CAST: variants seen among roughly 807,000 people sequenced by gnomAD.
CAST encodes the protein MIR583 host.
In CAST, 76 loss-of-function variants were observed where a neutral mutation model predicts 119.6. That is an observed-to-expected ratio of 0.64 (90% confidence interval 0.53 to 0.77). The LOEUF is 0.77. CAST is among the 30% of genes least tolerant of loss of function. The pLI is 0.00. For synonymous variants in CAST, 319 were observed against 331.6 expected, an observed-to-expected ratio of 0.96 and a Z score of 0.41; for missense variants, 953 against 946.5, an observed-to-expected ratio of 1.01 and a Z score of -0.09.
At chr5:96,380,389 A>G in the CAST span, among the ~76,000 whole-genome samples, 240 of 152,366 alleles carry the variant, frequency 1.6e-3, no homozygotes, top group African/African-American at 5.4e-3. Flanking sequence ...TGAAGTTTAT[A>G]TAAAGCACTT....
chr5:96,082,306 G>T, the CAST span, among the ~76,000 whole-genome samples: 1 of 152,190 alleles, frequency 6.6e-6, no homozygotes. Flanking sequence ...GACATTTATT[G>T]GTTGGCTATT....
the CAST span, chr5:96,429,232 C>T: frequency 6.4e-7 from 1 of 1,558,528 alleles, no homozygotes; most frequent in Non-Finnish European, 8.9e-7. Flanking sequence ...ATCAGATAAT[C>T]TCTTAGTGAT....
the CAST span, among the ~76,000 whole-genome samples, chr5:96,411,572 A>T: frequency 6.6e-6 from 1 of 152,184 alleles, no homozygotes; most frequent in Non-Finnish European, 1.5e-5. Context: ...GAGCAATCCA[A>T]CCAAGGCACA....
the CAST span, among the ~76,000 whole-genome samples, chr5:96,073,900 AC>A: frequency 6.6e-6 from 1 of 152,092 alleles, no homozygotes; most frequent in African/African-American, 2.4e-5. Flanking sequence ...ATTTTTAGCC[AC>A]CTTGTATTCA....
the CAST span, among the ~76,000 whole-genome samples, chr5:96,308,533 C>T: frequency 1.3e-5 from 2 of 151,998 alleles, no homozygotes; most frequent in East Asian, 2.0e-4. Context: ...GGAGAGGAGG[C>T]GTTCTGGTTT....
intron 1 of CAST, among the ~76,000 whole-genome samples, chr5:96,542,486 G>A (rs1259481189): frequency 6.6e-6 from 1 of 152,080 alleles, no homozygotes; most frequent in African/African-American, 2.4e-5. Flanking sequence ...TAATGGGTGT[G>A]TAGTGGTATC....
At chr5:96,528,974 T>TA (rs1710988713), upstream of CAST, among the ~76,000 whole-genome samples, 1 of 152,252 alleles carries the variant, frequency 6.6e-6, no homozygotes. Context: ...ACAATTGACA[T>TA]AAACCTGGTG....
chr5:96,586,286 T>C (rs2150190452), intron 1 of CAST, among the ~76,000 whole-genome samples: 1 of 152,322 alleles, frequency 6.6e-6, no homozygotes, highest in East Asian at 1.9e-4. Context: ...AGAAATATGT[T>C]TTTGTATTTG....
the CAST span, among the ~76,000 whole-genome samples, chr5:96,098,106 G>T: frequency 6.6e-6 from 1 of 152,064 alleles, no homozygotes; most frequent in Non-Finnish European, 1.5e-5. Flanking sequence ...TCATGTAATT[G>T]TTGGGCACAT....
the CAST span, among the ~76,000 whole-genome samples, chr5:96,095,952 C>T: frequency 6.6e-6 from 1 of 152,166 alleles, no homozygotes; most frequent in Non-Finnish European, 1.5e-5. Flanking sequence ...CCATATTCCT[C>T]TTTGTTTTGG....
chr5:96,252,902 G>A, the CAST span, among the ~76,000 whole-genome samples: 2 of 152,128 alleles, frequency 1.3e-5, no homozygotes, highest in African/African-American at 2.4e-5. Flanking sequence ...AGAATGACTG[G>A]AGTCTGACAG....
At chr5:95,961,554 C>G in the CAST span, 11 of 1,562,414 alleles carry the variant, frequency 7.0e-6, no homozygotes, top group Middle Eastern at 5.3e-4. Context: ...CTGAGCCCAG[C>G]CTGCCGGCCG....
At chr5:96,352,229 A>G in the CAST span, among the ~76,000 whole-genome samples, 11 of 152,318 alleles carry the variant, frequency 7.2e-5, no homozygotes, top group African/African-American at 2.6e-4. Context: ...TGTTCTTCAA[A>G]GTGAAATGTG....
the CAST span, among the ~76,000 whole-genome samples, chr5:96,100,865 CTA>C: frequency 1.3e-5 from 2 of 151,842 alleles, no homozygotes; most frequent in African/African-American, 2.4e-5. Context: ...AATTGTTATA[CTA>C]TATATATTAT....
At chr5:96,347,009 T>C in the CAST span, among the ~76,000 whole-genome samples, 7 of 152,150 alleles carry the variant, frequency 4.6e-5, no homozygotes, top group Admixed American at 3.9e-4. Context: ...TCTTGAGAGA[T>C]AGCATACTGG....
chr5:96,409,486 T>C, the CAST span, among the ~76,000 whole-genome samples: 1 of 152,352 alleles, frequency 6.6e-6, no homozygotes, highest in Non-Finnish European at 1.5e-5. Context: ...TTACTGAGAC[T>C]GTCTCAAATA....
intron 1 of CAST, among the ~76,000 whole-genome samples, chr5:96,556,515 G>A (rs1326359440): frequency 6.6e-6 from 1 of 152,188 alleles, no homozygotes; most frequent in Non-Finnish European, 1.5e-5. Flanking sequence ...AGTCCTTAAA[G>A]GACCTGATGG....
chr5:96,272,212 A>G, the CAST span, among the ~76,000 whole-genome samples: 1 of 152,212 alleles, frequency 6.6e-6, no homozygotes, highest in African/African-American at 2.4e-5. Context: ...AGGTTCCTCA[A>G]AAAACTAAAA....
chr5:96,452,925 C>G, the CAST span, among the ~76,000 whole-genome samples: 1 of 121,908 alleles, frequency 8.2e-6, no homozygotes, highest in African/African-American at 3.5e-5. Flanking sequence ...AGTCCGCAGT[C>G]CGGCCTGGGC....
Sources: allele counts gnomAD v4.1 joint callset (sites outside exome capture counted in the v4.1 genomes callset), GRCh38; gene constraint gnomAD v4.1.1; transcripts MANE v1.5; gene names NCBI Gene and HGNC (gene_info 2026-07-23, HGNC 2026-07-21).